MRPL37: variants seen among roughly 807,000 people sequenced by gnomAD.
The protein encoded by MRPL37 is mitochondrial ribosomal protein L37.
Under a neutral mutation model 44.1 loss-of-function variants are expected in MRPL37, and 34 were observed. The ratio of observed to expected loss-of-function variants is 0.77; its 90% CI spans 0.59 to 1.03. The LOEUF (loss-of-function observed/expected upper bound fraction) is 1.03, where lower values mean the gene tolerates loss of function less well. MRPL37 is among the 50% of genes least tolerant of loss of function. MRPL37 has a pLI of 0.00. For synonymous variants in MRPL37, 212 were observed against 219.5 expected, an observed-to-expected ratio of 0.97 and a Z score of 0.30; for missense variants, 532 against 543.7, an observed-to-expected ratio of 0.98 and a Z score of 0.21.
At position 54,205,167 on chromosome 1, in the gene MRPL37, A is replaced by T. The variant is rs548228179; in HGVS notation, c.496A>T (p.Thr166Ser). 1 of 1,614,116 alleles carries T rather than the reference A, an allele frequency of 6.2e-7. No homozygotes were observed. Among genetic ancestry groups the T allele is most frequent in the East Asian group, 2.2e-5 (1 of 44,884 alleles). Residue 166 changes from threonine to serine, a missense_variant, in exon 2 of 7, where the codon ACC becomes TCC. Coordinates refer to ENST00000360840, the MANE Select transcript of MRPL37 (RefSeq NM_016491.4). ...NVISHARLWQ[T>S]TEEIPKRETY... ...GATCTCTCACGCCCGTCTCTGGCAG[A>T]CCACTGAGGAAATCCCCAAGAGAGA...
intron 3 of MRPL37, among the ~76,000 whole-genome samples, chr1:54,206,030 G>T (rs1406676018): frequency 6.6e-6 from 1 of 151,974 alleles, no homozygotes; most frequent in Non-Finnish European, 1.5e-5. Context: ...CACACCATGT[G>T]CCTTTGCACA....
intron 1 of MRPL37, among the ~76,000 whole-genome samples, chr1:54,204,108 C>A (rs1222358593): frequency 1.3e-5 from 2 of 152,174 alleles, no homozygotes; most frequent in African/African-American, 2.4e-5. Flanking sequence ...ACAAGCCAGG[C>A]ACAGTGGCTA....
rs530221254 is a variant in MRPL37 at position 54,214,270 on chromosome 1, C to T, written c.990+1612C>T. Among the ~76,000 whole-genome samples the T allele has an allele frequency of 9.9e-5, 15 of 152,174 alleles. 1 individual carries two copies. In the South Asian group the frequency reaches 3.1e-3, roughly 32 times the overall value. On this transcript the variant is annotated intron_variant, in intron 5 of 6. Coordinates refer to ENST00000360840, the MANE Select transcript of MRPL37 (RefSeq NM_016491.4). ...TATTTAATCCTTGTAGTTTTTTAAC[C>T]CCATGTGGCAGATGCTATTAGCTTC...
chr1:54,221,330 CTT>C (rs1644232005), downstream of MRPL37, among the ~76,000 whole-genome samples: 1 of 152,192 alleles, frequency 6.6e-6, no homozygotes, highest in Non-Finnish European at 1.5e-5. Flanking sequence ...CCTGGTTCCT[CTT>C]TTGCTGTGGG....
intron 1 of MRPL37, 31 bp from the exon 2 acceptor site, chr1:54,204,987 T>G (rs780196296): frequency 3.0e-6 from 3 of 998,984 alleles, no homozygotes; most frequent in Non-Finnish European, 4.4e-6. Context: ...TTTTCTTTCC[T>G]TCTTTATTTT....
chr1:54,218,087 T>C, intron 6 of MRPL37, 85 bp from the exon 7 acceptor site: 1 of 1,240,492 alleles, frequency 8.1e-7, no homozygotes, highest in South Asian at 1.2e-5. Context: ...GTCCAGGCAC[T>C]GAAGATTTAC....
chr1:54,211,682 A>G (rs1348271301), intron 4 of MRPL37, among the ~76,000 whole-genome samples: 1 of 152,114 alleles, frequency 6.6e-6, no homozygotes, highest in Non-Finnish European at 1.5e-5. Flanking sequence ...TTTTAGAGAT[A>G]GGGTCTTATT....
At position 54,210,014 on chromosome 1, in the gene MRPL37, A is replaced by G. The variant is rs375651262; in HGVS notation, c.715A>G (p.Ile239Val). 5.0e-6 allele frequency: 8 copies of G among 1,614,220 alleles called. No individual in the cohort carries two copies. In the East Asian group the frequency reaches 6.7e-5, roughly 13 times the overall value. Residue 239 changes from isoleucine (I) to valine (V), a missense_variant, in exon 4 of 7, where the codon ATC (isoleucine) becomes GTC (valine). Ile to Val is a conservative substitution (Grantham distance 29). Transcript: ENST00000360840. ...GAGCACTAAGGATCCTCTGCCCACC[A>G]TCGCCTCCAGAGAGGAGATTGAAGC... ...RLSTKDPLPT[I>V]ASREEIEATK...
At chr1:54,210,286 A>G (rs747199628) in intron 4 of MRPL37, among the ~76,000 whole-genome samples, 155 bp downstream of exon 4, 5 of 152,144 alleles carry the variant, frequency 3.3e-5, no homozygotes, top group Admixed American at 3.3e-4. Flanking sequence ...TGAGACAAGT[A>G]CTATTATCTC....
At chr1:54,218,865 TA>T (rs1644215238), downstream of MRPL37, among the ~76,000 whole-genome samples, 1 of 152,242 alleles carries the variant, frequency 6.6e-6, no homozygotes, top group Non-Finnish European at 1.5e-5. Context: ...CCTTACAAGG[TA>T]AATGTCATTT....
chr1:54,205,152 G>A lies in MRPL37; in HGVS notation c.481G>A (p.Ala161Thr), dbSNP rs771926988. Residue 161 changes from alanine (A) to threonine (T), a missense_variant, in exon 2 of 7, where the codon GCC becomes ACC. Physicochemically the swap from Ala to Thr is moderately conservative, Grantham distance 58 (BLOSUM62 0). Transcript: ENST00000360840. ...GTGCGTTCTGAATGTGATCTCTCAC[G>A]CCCGTCTCTGGCAGACCACTGAGGA... ...DECVLNVISH[A>T]RLWQTTEEIP... 5 of 1,614,110 alleles carry A rather than the reference G, an allele frequency of 3.1e-6. No homozygotes were observed. In the South Asian group the frequency reaches 3.3e-5, roughly 11 times the overall value.
intron 3 of MRPL37, among the ~76,000 whole-genome samples, chr1:54,208,503 T>G (rs962022670): frequency 3.0e-5 from 4 of 133,824 alleles, no homozygotes; most frequent in African/African-American, 1.1e-4. Flanking sequence ...GAGCTGAGAT[T>G]GCGCCACTGC....
intron 3 of MRPL37, among the ~76,000 whole-genome samples, chr1:54,208,699 T>C (rs1401589600): frequency 6.6e-6 from 1 of 152,188 alleles, no homozygotes; most frequent in Non-Finnish European, 1.5e-5. Context: ...ACCTGACTTT[T>C]GCACATTATT....
At chr1:54,211,195 A>G (rs905193607) in intron 4 of MRPL37, among the ~76,000 whole-genome samples, 3 of 152,108 alleles carry the variant, frequency 2.0e-5, no homozygotes, top group Non-Finnish European at 4.4e-5. Context: ...TTCCAGTCTC[A>G]TCAGGGTCCT....
In MRPL37 at chr1:54,216,047, G is replaced by A. The variant is rs1455307386; in HGVS notation, c.991-94G>A. 1.6e-5 allele frequency: 21 copies of A among 1,310,990 alleles called. No homozygotes were observed. In the East Asian group the frequency reaches 3.5e-4, roughly 22 times the overall value. The allele number at this position is 1,310,990 out of a possible 1,614,324, so 81.2% of individuals were successfully genotyped here. A position where few individuals can be genotyped will look rare whatever the true frequency, so the allele number is the denominator to read the frequency against. ...AGCCATTCAGTGGACGTAGGTGGAC[G>A]TTGTAAAGGGAAGAACTAGAAGCTG... On this transcript the variant is annotated intron_variant, in intron 5 of 6. Coordinates refer to ENST00000360840, the MANE Select transcript of MRPL37 (RefSeq NM_016491.4).
intron 1 of MRPL37, 137 bp downstream of exon 1, chr1:54,200,726 C>G (rs2100497286): frequency 1.0e-6 from 1 of 969,608 alleles, no homozygotes; most frequent in Non-Finnish European, 1.5e-6. Context: ...CGTAGTGATT[C>G]CCGTCTTCTG....
At chr1:54,200,703 T>C in intron 1 of MRPL37, 114 bp downstream of exon 1, 2 of 1,186,694 alleles carry the variant, frequency 1.7e-6, no homozygotes, top group Non-Finnish European at 2.3e-6. Flanking sequence ...TTTCTTCGTC[T>C]GCGAAATGGG....
rs370817567 is a variant in MRPL37, at chr1:54,200,404, G to A, written c.161G>A (p.Gly54Glu). The change falls in exon 1 of 7, where the codon GGA becomes GAA. Residue 54 changes from glycine (G) to glutamate (E), a missense_variant. Coordinates refer to ENST00000360840, the MANE Select transcript of MRPL37 (RefSeq NM_016491.4). ...CTGGATAGGGTGTACGAGATCCCTG[G>A]ACTGGAGCCCATCACCTTTGCGGGG... is the stretch of plus-strand genomic sequence containing the variant. ...PPLDRVYEIPGLEPITFAGKM... is the reference protein window; with the variant it reads ...PPLDRVYEIPELEPITFAGKM... The A allele has an allele frequency of 5.0e-6, 8 of 1,614,098 alleles. No homozygotes were observed. Among genetic ancestry groups the A allele is most frequent in the Non-Finnish European group, 3.4e-6 (4 of 1,180,054 alleles).
chr1:54,225,070 A>C, downstream of MRPL37: 1 of 1,233,138 alleles, frequency 8.1e-7, no homozygotes, highest in Non-Finnish European at 1.0e-6. Context: ...CCTGGCCGAT[A>C]GCGACTCCCC....
Sources: allele counts gnomAD v4.1 joint callset (sites outside exome capture counted in the v4.1 genomes callset), GRCh38; gene constraint gnomAD v4.1.1; transcripts MANE v1.5; gene names NCBI Gene and HGNC (gene_info 2026-07-23, HGNC 2026-07-21).